IAH1: variants seen among roughly 807,000 people sequenced by gnomAD.
The protein encoded by IAH1 is isoamyl acetate-hydrolyzing esterase 1 homolog.
In IAH1, 24 loss-of-function variants were observed where a neutral mutation model predicts 26.7. That is an observed-to-expected ratio of 0.90 (90% CI 0.65 to 1.26). IAH1 has a LOEUF of 1.26. IAH1 is among the 50% of genes most tolerant of loss of function. The pLI is 0.00. For synonymous variants in IAH1, 140 were observed against 118.5 expected (o/e 1.18, Z -1.18); for missense variants, 300 against 299.9 (o/e 1.00, Z 0.00).
chr2:9,478,479 C>A, intron 3 of IAH1, 109 bp downstream of exon 3: 1 of 1,069,958 alleles, frequency 9.3e-7, no homozygotes, highest in East Asian at 2.6e-5. Context: ...CCAATAGATA[C>A]AGTTTTGCCA....
Position 9,489,532 on chromosome 2 carries a change from C to A in IAH1, c.*1203C>A, listed in dbSNP as rs932541507. On this transcript the variant is annotated 3_prime_UTR_variant, in exon 6 of 6. Transcript: ENST00000497473. ...AACTGGCTACCATGTATAGCCCTCA[C>A]TGTAAGGTAGGTGGTTAGGTTTCTA... The A allele has an allele frequency of 6.6e-6, 1 of 152,236 alleles. No individual in the cohort carries two copies. The highest frequency in any genetic ancestry group is 1.5e-5 in the Non-Finnish European group (1 of 68,004). 9.4% of individuals were successfully genotyped at this position (152,236 alleles called of 1,614,324 possible). A position where few individuals can be genotyped will look rare whatever the true frequency, so the allele number is the denominator to read the frequency against.
At chr2:9,508,593 C>T in the IAH1 span, among the ~76,000 whole-genome samples, 12 of 152,254 alleles carry the variant, frequency 7.9e-5, no homozygotes, top group Admixed American at 5.2e-4. Flanking sequence ...TGCCCATTCC[C>T]GTCTCCCATC....
chr2:9,492,591 A>G, downstream of IAH1, among the ~76,000 whole-genome samples: 1 of 152,252 alleles, frequency 6.6e-6, no homozygotes, highest in East Asian at 1.9e-4. Context: ...ATGCTCTTCA[A>G]TAAGGGCTTT....
At chr2:9,488,045 C>T (rs1026242113) in intron 5 of IAH1, 102 bp from the exon 6 acceptor site, 1 of 793,554 alleles carries the variant, frequency 1.3e-6, no homozygotes, top group African/African-American at 1.8e-5. Context: ...GTCTCAAACT[C>T]CTGTCTTCCA....
At chr2:9,512,242 A>T in the IAH1 span, 11 of 141,826 alleles carry the variant, frequency 7.8e-5, no homozygotes, top group Non-Finnish European at 1.5e-4. Flanking sequence ...TCATTAGTGG[A>T]TTTGCTAATG....
the IAH1 span, chr2:9,505,390 A>T: frequency 6.3e-7 from 1 of 1,583,530 alleles, no homozygotes; most frequent in Non-Finnish European, 8.7e-7. Flanking sequence ...GGCAATAAGG[A>T]CCCAAAATAA....
At chr2:9,502,033 C>G in the IAH1 span, 3 of 723,464 alleles carry the variant, frequency 4.1e-6, no homozygotes, top group Non-Finnish European at 7.0e-6. Flanking sequence ...GTGTCACAAA[C>G]TAAGGAGTGC....
chr2:9,501,302 G>C (rs181806818), downstream of IAH1, among the ~76,000 whole-genome samples: 679 of 152,186 alleles, frequency 4.5e-3, 5 homozygotes, highest in African/African-American at 0.016. Flanking sequence ...ATGCTAATAG[G>C]ACAGCAGGGT....
At chr2:9,482,897 A>C in intron 4 of IAH1, among the ~76,000 whole-genome samples, 1 of 152,196 alleles carries the variant, frequency 6.6e-6, no homozygotes, top group Middle Eastern at 3.2e-3. Context: ...GAGACACCAG[A>C]GTGTTCTGCA....
downstream of IAH1, chr2:9,496,997 C>T: frequency 6.8e-7 from 1 of 1,472,290 alleles, no homozygotes; most frequent in Non-Finnish European, 9.1e-7. Flanking sequence ...ATCCCCTCAT[C>T]CTCGGCTTGG....
the IAH1 span, among the ~76,000 whole-genome samples, chr2:9,511,025 C>T: frequency 6.6e-6 from 1 of 152,174 alleles, no homozygotes; most frequent in Non-Finnish European, 1.5e-5. Flanking sequence ...CACACACAAT[C>T]TGGTGCTGAT....
intron 5 of IAH1, chr2:9,486,001 T>A (rs1317750425): frequency 1.3e-5 from 2 of 152,212 alleles, no homozygotes; most frequent in African/African-American, 4.8e-5. Flanking sequence ...TATTCCTAGC[T>A]GTTAGGTTTA....
upstream of IAH1, chr2:9,474,548 C>CGCCCT (rs1682358556): frequency 5.5e-6 from 8 of 1,443,878 alleles, no homozygotes; most frequent in Non-Finnish European, 7.3e-6. The surrounding 1 kb of genome is among the most constrained non-coding windows in gnomAD (Gnocchi z 4.3). Flanking sequence ...GGCCCCGCCC[C>CGCCCT]GCCCCGCCCG....
downstream of IAH1, chr2:9,491,025 G>A: frequency 7.5e-7 from 1 of 1,326,988 alleles, no homozygotes. Context: ...AGCTCTTGCT[G>A]GGTCAGGTGA....
chr2:9,504,533 A>C, the IAH1 span, among the ~76,000 whole-genome samples: 3,009 of 152,202 alleles, frequency 0.02, 99 homozygotes, highest in African/African-American at 0.069. Context: ...TTGGGAGGCC[A>C]AGGTGGATGG....
Position 9,474,712 on chromosome 2 carries a change from C to A in IAH1, c.81+65C>A. 8.0e-7 allele frequency: 1 copy of A among 1,255,714 alleles called. No homozygotes were observed. The highest frequency in any genetic ancestry group is 1.1e-6 in the Non-Finnish European group (1 of 918,378). 77.8% of individuals were successfully genotyped at this position (1,255,714 alleles called of 1,614,324 possible). Reference sequence around the variant, plus strand: ...CCTGCGGGGTCGCTGCCGAGCAGGCCGAGGCTCCTCGCCGTCCTCTTCGGC... The same window carrying A: ...CCTGCGGGGTCGCTGCCGAGCAGGCAGAGGCTCCTCGCCGTCCTCTTCGGC... On this transcript the variant is annotated intron_variant, in intron 1 of 5. Transcript: ENST00000497473. The surrounding 1 kb of genome is among the most constrained non-coding windows in gnomAD (Gnocchi z 4.3).
At chr2:9,495,711 C>CAAAA (rs367778507) in intron 6 of IAH1, among the ~76,000 whole-genome samples, 13 of 140,458 alleles carry the variant, frequency 9.3e-5, no homozygotes, top group African/African-American at 2.4e-4. Context: ...GACTCCATCT[C>CAAAA]AAAAAAAAAA....
rs200692575 is a variant in IAH1, at chr2:9,488,304, G to C, written c.722G>C (p.Ser241Thr). The C allele has an allele frequency of 3.1e-6, 5 of 1,609,978 alleles. No individual in the cohort carries two copies. The highest frequency in any genetic ancestry group is 1.7e-4 in the Middle Eastern group (1 of 6,032). Residue 241 changes from serine (S) to threonine (T), a missense_variant, in exon 6 of 6, where the codon AGT becomes ACT. Coordinates refer to ENST00000497473, the MANE Select transcript of IAH1 (RefSeq NM_001039613.3). Reference sequence around the variant, plus strand: ...GTAGCAGAAGCAAAACCTGAATTAAGTCTGCTGGGAGATGGAGACCATTAG... The same window carrying C: ...GTAGCAGAAGCAAAACCTGAATTAACTCTGCTGGGAGATGGAGACCATTAG... ...RDVAEAKPELSLLGDGDH is the reference protein window; with the variant it reads ...RDVAEAKPELTLLGDGDH
downstream of IAH1, chr2:9,492,780 T>C (rs1376720711): frequency 1.3e-6 from 1 of 760,090 alleles, no homozygotes; most frequent in Non-Finnish European, 2.0e-6. Context: ...AAAAAAGCTA[T>C]TGGAAATATC....
Sources: gnomAD v4.1 joint callset for allele counts (sites outside exome capture counted in the v4.1 genomes callset) on GRCh38, gnomAD v4.1.1 for gene constraint, Gnocchi (gnomAD v3.1) non-coding constraint, MANE v1.5 for transcripts, NCBI Gene and HGNC (gene_info 2026-07-23, HGNC 2026-07-21) for gene names.